EIF3J: variants seen among roughly 807,000 people sequenced by gnomAD.
The protein encoded by EIF3J is eukaryotic translation initiation factor 3 subunit J, also known as eukaryotic translation initiation factor 3, subunit 1 (alpha, 35kD).
Under a neutral mutation model 39.0 loss-of-function variants are expected in EIF3J, and 15 were observed. The observed-to-expected ratio is 0.38, with a 90% confidence interval of 0.26 to 0.59. The LOEUF is 0.59. EIF3J is among the 20% of genes least tolerant of loss of function. The probability of loss-of-function intolerance (pLI) is 0.60; values close to 1 mark genes in which losing one functional copy is unlikely to be tolerated. For missense variants in EIF3J, 226 were observed against 308.6 expected, an observed-to-expected ratio of 0.73 and a Z score of 2.00; for synonymous variants, 98 against 112.9, an observed-to-expected ratio of 0.87 and a Z score of 0.84.
At chr15:44,544,098 C>CTTTTCTT (rs1555444217) in intron 2 of EIF3J, among the ~76,000 whole-genome samples, 13 of 134,070 alleles carry the variant, frequency 9.7e-5, no homozygotes, top group East Asian at 2.2e-4. Context: ...CTTTTCTTTT[C>CTTTTCTT]TTTTTTTTTT....
At position 44,562,409 on chromosome 15, in the gene EIF3J, CTTTA is replaced by C. The variant is rs1357536351; in HGVS notation, c.*1263_*1266del. ...GGCTGTTAAGTATAGATTGGGGAAT[CTTTA>C]TTATGTCTTCTCCTAAGCAGTTTAA... On this transcript the variant is annotated 3_prime_UTR_variant, in exon 8 of 8. Coordinates refer to ENST00000261868, the MANE Select transcript of EIF3J (RefSeq NM_003758.4). The C allele has an allele frequency of 6.6e-6, 1 of 152,568 alleles. No homozygotes were observed. Among genetic ancestry groups the C allele is most frequent in the Non-Finnish European group, 1.5e-5 (1 of 68,024 alleles). The allele number at this position is 152,568 out of a possible 1,614,324, so 9.5% of individuals were successfully genotyped here.
chr15:44,549,953 CAAAAA>C (rs761682769), intron 2 of EIF3J, among the ~76,000 whole-genome samples: 2 of 95,628 alleles, frequency 2.1e-5, no homozygotes. Flanking sequence ...AACTCCGTCT[CAAAAA>C]AAAAAAAAAA....
chr15:44,538,468 A>G (rs1338537105), intron 2 of EIF3J, among the ~76,000 whole-genome samples: 1 of 152,178 alleles, frequency 6.6e-6, no homozygotes, highest in African/African-American at 2.4e-5. Flanking sequence ...TATAAACACA[A>G]ACGGAGAACC....
chr15:44,560,108 A>G (rs1332622821), intron 6 of EIF3J, 141 bp from the exon 7 acceptor site: 18 of 675,664 alleles, frequency 2.7e-5, no homozygotes, highest in Non-Finnish European at 4.0e-5. Context: ...AAGTTTAACA[A>G]TGAACAAATT....
intron 4 of EIF3J, 131 bp from the exon 5 acceptor site, chr15:44,554,422 C>A (rs2140900029): frequency 2.7e-6 from 1 of 372,380 alleles, no homozygotes; most frequent in South Asian, 7.2e-5. Flanking sequence ...AGAAGAATGC[C>A]TGAAACAGTA....
chr15:44,537,248 G>A lies in EIF3J; in HGVS notation c.43+11G>A. ...ACTCGGACTCCTGGGGTGAGGAGAAGTTGCTGGGGCAGGGCCCGGGCCGGC... is the reference window on the plus strand; with the variant it reads ...ACTCGGACTCCTGGGGTGAGGAGAAATTGCTGGGGCAGGGCCCGGGCCGGC... On this transcript the variant is annotated intron_variant, in intron 1 of 7. Transcript: ENST00000261868. 6.3e-7 allele frequency: 1 copy of A among 1,586,828 alleles called. No homozygotes were observed. Among genetic ancestry groups the A allele is most frequent in the East Asian group, 2.3e-5 (1 of 42,908 alleles).
rs59415615 is a variant in EIF3J at position 44,554,375 on chromosome 15, T to TAA, written c.295-154_295-153dup. ...CTTGGTGGCAGAGTGAGGCTCTGTC[T>TAA]AAAAAAAAAAAAAAAAAAAAAAAAA... is the stretch of plus-strand genomic sequence containing the variant. On this transcript the variant is annotated intron_variant, in intron 4 of 7. Coordinates refer to ENST00000261868, the MANE Select transcript of EIF3J (RefSeq NM_003758.4). 5.7e-3 allele frequency among the ~76,000 whole-genome samples: 354 copies of TAA among 61,740 alleles called. 4 individuals are homozygous for TAA. The highest frequency in any genetic ancestry group is 0.015 in the African/African-American group (244 of 16,214). The allele number at this position is 61,740 out of a possible 152,430, so 40.5% of individuals were successfully genotyped here.
At chr15:44,550,779 A>G in intron 2 of EIF3J, 97 bp from the exon 3 acceptor site, 2 of 866,238 alleles carry the variant, frequency 2.3e-6, no homozygotes, top group Non-Finnish European at 3.7e-6. Context: ...ACAAAAAAAT[A>G]CCAACAAACA....
intron 5 of EIF3J, among the ~76,000 whole-genome samples, chr15:44,557,018 T>C (rs1186338524): frequency 1.3e-5 from 2 of 152,208 alleles, no homozygotes; most frequent in Non-Finnish European, 2.9e-5. Flanking sequence ...AAACCTGTTA[T>C]ATATAAATAG....
intron 2 of EIF3J, among the ~76,000 whole-genome samples, chr15:44,539,607 A>T (rs961077238): frequency 6.6e-6 from 1 of 151,196 alleles, no homozygotes; most frequent in Non-Finnish European, 1.5e-5. Flanking sequence ...TCACCGTGTT[A>T]GCCAGGATGG....
At chr15:44,559,749 TTGTC>T (rs200887975) in intron 6 of EIF3J, among the ~76,000 whole-genome samples, 195 of 152,190 alleles carry the variant, frequency 1.3e-3, no homozygotes, top group African/African-American at 4.2e-3. Flanking sequence ...TCATGTTTAT[TTGTC>T]TGTTCTCCCT....
In EIF3J at chr15:44,537,151, C is replaced by T. The variant is rs758044145; in HGVS notation, c.-44C>T. 10 of 1,613,168 alleles carry T rather than the reference C, an allele frequency of 6.2e-6. No individual in the cohort carries two copies. The East Asian group carries it at 2.0e-4, about 32-fold the overall frequency. ...GTGACTCACCTCCGCCGTGCTAACT[C>T]CTCGCTAGCTCTCCCTCTCACACAC... On this transcript the variant is annotated 5_prime_UTR_variant, in exon 1 of 8. Coordinates refer to ENST00000261868, the MANE Select transcript of EIF3J (RefSeq NM_003758.4).
intron 2 of EIF3J, among the ~76,000 whole-genome samples, chr15:44,544,982 G>C (rs1481600271): frequency 6.7e-6 from 1 of 149,976 alleles, no homozygotes; most frequent in Non-Finnish European, 1.5e-5. Flanking sequence ...CCAGCCTGGC[G>C]ACACAGTGAG....
chr15:44,556,014 G>A (rs1034197325), intron 5 of EIF3J, among the ~76,000 whole-genome samples: 1 of 151,042 alleles, frequency 6.6e-6, no homozygotes, highest in Admixed American at 6.6e-5. Context: ...ATGCCACCAC[G>A]CCTGGGTAAT....
At chr15:44,556,550 A>T (rs2082145572) in intron 5 of EIF3J, among the ~76,000 whole-genome samples, 1 of 152,000 alleles carries the variant, frequency 6.6e-6, no homozygotes, top group South Asian at 2.1e-4. Flanking sequence ...TCTGTCACCC[A>T]GGCTGGAGTG....
intron 4 of EIF3J, among the ~76,000 whole-genome samples, chr15:44,554,312 G>A (rs948079767): frequency 8.0e-5 from 12 of 150,068 alleles, no homozygotes; most frequent in African/African-American, 2.7e-4. Context: ...AGGAGGCAGA[G>A]GTTACAATGA....
chr15:44,539,478 G>C (rs367801853), intron 2 of EIF3J, among the ~76,000 whole-genome samples: 2 of 151,320 alleles, frequency 1.3e-5, no homozygotes, highest in Non-Finnish European at 2.9e-5. Context: ...CACAATCTCC[G>C]CTCACTGCAA....
chr15:44,551,470 TAAA>T lies in EIF3J; in HGVS notation c.244_246del (p.Lys82del). ...GAAAAGAAAAAAATAGCAGAGAAGA[TAAA>T]AGAGAAAGAACGGCAACAGAAGAAA... On this transcript the variant is annotated inframe_deletion, in exon 4 of 8. Transcript: ENST00000261868. The T allele has an allele frequency of 6.3e-7, 1 of 1,588,454 alleles. No individual in the cohort carries two copies. The highest frequency in any genetic ancestry group is 8.5e-7 in the Non-Finnish European group (1 of 1,171,700).
chr15:44,543,543 A>G (rs2082029036), intron 2 of EIF3J, among the ~76,000 whole-genome samples: 1 of 151,432 alleles, frequency 6.6e-6, no homozygotes, highest in African/African-American at 2.4e-5. Context: ...CCTCCCAAGT[A>G]GCTGGGACTA....
Sources: gnomAD v4.1 joint callset for allele counts (sites outside exome capture counted in the v4.1 genomes callset) on GRCh38, gnomAD v4.1.1 for gene constraint, MANE v1.5 for transcripts, NCBI Gene and HGNC (gene_info 2026-07-23, HGNC 2026-07-21) for gene names.